Variants in ADAM2 observed in about 807,000 individuals in gnomAD.
The protein encoded by ADAM2 is disintegrin and metalloproteinase domain-containing protein 2.
A neutral mutation model predicts 99.3 loss-of-function variants in ADAM2; 101 were observed. That is an observed-to-expected ratio of 1.02 (90% CI 0.87 to 1.20). The LOEUF is 1.20. ADAM2 is among the 50% of genes most tolerant of loss of function. The pLI is 0.00. For synonymous variants in ADAM2, 323 were observed against 287.6 expected (o/e 1.12, Z -1.25); for missense variants, 948 against 878.7 (o/e 1.08, Z -1.00).
In ADAM2 at chr8:39,755,825, A is replaced by G. The variant is rs1252635003; in HGVS notation, c.1700T>C (p.Ile567Thr). Residue 567 changes from isoleucine (I) to threonine (T), a missense_variant, in exon 16 of 21, where the codon ATA (isoleucine) becomes ACA (threonine). By Grantham distance (89) the Ile-to-Thr change is moderately conservative. Transcript: ENST00000265708. ...CACAGCAATGCAGAGATGTCCACTT[A>G]TGTTGGCATAAATAATAGTGGCTCT... ...IPRATIIYANISGHLCIAVEF... is the reference protein window; with the variant it reads ...IPRATIIYANTSGHLCIAVEF... 1 of 1,609,128 alleles carries G rather than the reference A, an allele frequency of 6.2e-7. No homozygotes were observed. The highest frequency in any genetic ancestry group is 1.1e-5 in the South Asian group (1 of 90,832).
chr8:39,783,736 G>A (rs1803331331), intron 10 of ADAM2, among the ~76,000 whole-genome samples: 1 of 152,094 alleles, frequency 6.6e-6, no homozygotes, highest in Non-Finnish European at 1.5e-5. Context: ...CAGATCACAA[G>A]GTCAGGAGAT....
At chr8:39,779,825 T>C (rs1184361457) in intron 10 of ADAM2, among the ~76,000 whole-genome samples, 2 of 152,178 alleles carry the variant, frequency 1.3e-5, no homozygotes, top group Non-Finnish European at 2.9e-5. Context: ...TCTCTATAAA[T>C]GTGCCTGCCA....
Position 39,821,600 on chromosome 8 carries a change from T to G in ADAM2, c.330A>C (p.Thr110=), listed in dbSNP as rs780125660. Residue 110 remains threonine (T), a synonymous_variant, in exon 5 of 21, where the codon ACA becomes ACC. Coordinates refer to ENST00000265708, the MANE Select transcript of ADAM2 (RefSeq NM_001464.5). ...GYPKSVVMVS[T]CTGLRGVLQF... ...TAAATTACAACCTGAGTCCAGTACATGTGCTAACCATCACCACAGATTTTG... is the reference window on the plus strand; with the variant it reads ...TAAATTACAACCTGAGTCCAGTACAGGTGCTAACCATCACCACAGATTTTG... 1 of 1,601,642 alleles carries G rather than the reference T, an allele frequency of 6.2e-7. No homozygotes were observed. Among genetic ancestry groups the G allele is most frequent in the South Asian group, 1.1e-5 (1 of 90,606 alleles).
chr8:39,744,239 T>A (rs913604032), intron 20 of ADAM2, among the ~76,000 whole-genome samples, 175 bp from the exon 21 acceptor site: 1 of 152,092 alleles, frequency 6.6e-6, no homozygotes, highest in Non-Finnish European at 1.5e-5. Flanking sequence ...AGAAAATAAT[T>A]AAAAAATAAC....
At chr8:39,832,122 T>C (rs904131846) in intron 3 of ADAM2, among the ~76,000 whole-genome samples, 6 of 152,188 alleles carry the variant, frequency 3.9e-5, no homozygotes, top group Admixed American at 1.3e-4. Flanking sequence ...GGATCTCTTC[T>C]CAGGTTTCTC....
chr8:39,772,168 T>G (rs1243520478), intron 11 of ADAM2, among the ~76,000 whole-genome samples: 1 of 149,986 alleles, frequency 6.7e-6, no homozygotes, highest in Non-Finnish European at 1.5e-5. Context: ...CCGATTAGAG[T>G]ACTTTTTTGC....
chr8:39,800,842 C>A (rs1037170488), intron 7 of ADAM2, among the ~76,000 whole-genome samples: 6 of 152,056 alleles, frequency 3.9e-5, no homozygotes, highest in Admixed American at 2.6e-4. Flanking sequence ...GTATGCTTCA[C>A]GAAGTTCTCG....
chr8:39,783,059 C>T (rs916077261), intron 10 of ADAM2, among the ~76,000 whole-genome samples: 6 of 151,878 alleles, frequency 4.0e-5, no homozygotes, highest in African/African-American at 1.5e-4. Context: ...GTTTAGATAC[C>T]CTGTATTTTT....
chr8:39,768,163 T>C (rs1159030851), intron 12 of ADAM2, among the ~76,000 whole-genome samples: 1 of 152,140 alleles, frequency 6.6e-6, no homozygotes, highest in African/African-American at 2.4e-5. Flanking sequence ...CTCAATTATA[T>C]AACATTTCGA....
chr8:39,784,835 C>T (rs1024396614), intron 10 of ADAM2, among the ~76,000 whole-genome samples: 10 of 152,148 alleles, frequency 6.6e-5, no homozygotes, highest in African/African-American at 2.4e-4. Context: ...ATGTTGTTGG[C>T]CATTTGTATG....
At chr8:39,796,827 C>G (rs918677183) in intron 7 of ADAM2, among the ~76,000 whole-genome samples, 2 of 152,082 alleles carry the variant, frequency 1.3e-5, no homozygotes, top group Non-Finnish European at 2.9e-5. Flanking sequence ...TGTTCATTGG[C>G]CAGATAAATG....
intron 7 of ADAM2, among the ~76,000 whole-genome samples, chr8:39,809,066 G>A (rs533001592): frequency 2.6e-5 from 4 of 152,192 alleles, no homozygotes; most frequent in African/African-American, 9.6e-5. Flanking sequence ...AAAATGTACA[G>A]ATGGGAAACT....
Position 39,834,055 on chromosome 8 carries a change from A to G in ADAM2, c.133-56T>C, listed in dbSNP as rs570986766. The G allele has an allele frequency of 1.9e-4, 177 of 925,190 alleles. 1 individual carries two copies. Among genetic ancestry groups the G allele is most frequent in the South Asian group, 1.2e-3 (80 of 67,988 alleles). 57.3% of individuals were successfully genotyped at this position (925,190 alleles called of 1,614,324 possible). A position where few individuals can be genotyped will look rare whatever the true frequency, so the allele number is the denominator to read the frequency against. On this transcript the variant is annotated intron_variant, in intron 2 of 20. Transcript: ENST00000265708. ...AAAATGAAAAAAAATGTTAGAAGGG[A>G]TAACCATCATTTTACATTAATGATA... is the stretch of plus-strand genomic sequence containing the variant.
intron 7 of ADAM2, among the ~76,000 whole-genome samples, chr8:39,797,488 T>G (rs1025909745): frequency 6.6e-6 from 1 of 152,230 alleles, no homozygotes; most frequent in African/African-American, 2.4e-5. Flanking sequence ...GCTTGATGCC[T>G]CCAGCTTTGT....
At chr8:39,768,878 T>A (rs1395888901) in intron 12 of ADAM2, among the ~76,000 whole-genome samples, 1 of 152,268 alleles carries the variant, frequency 6.6e-6, no homozygotes, top group South Asian at 2.1e-4. Flanking sequence ...GCAAGATGAA[T>A]ACGTTCTAGA....
At chr8:39,812,098 A>G (rs990146240) in intron 6 of ADAM2, among the ~76,000 whole-genome samples, 50 of 152,226 alleles carry the variant, frequency 3.3e-4, no homozygotes, top group Non-Finnish European at 1.3e-4. Context: ...TACAAAATCA[A>G]TGTGCAAAAA....
intron 7 of ADAM2, among the ~76,000 whole-genome samples, chr8:39,801,907 T>A (rs1804228765): frequency 6.6e-6 from 1 of 151,936 alleles, no homozygotes; most frequent in African/African-American, 2.4e-5. Context: ...TAGAAATGGG[T>A]GCCGCCCTTC....
intron 10 of ADAM2, among the ~76,000 whole-genome samples, chr8:39,779,444 A>G (rs1466529919): frequency 2.0e-5 from 3 of 152,140 alleles, no homozygotes; most frequent in Non-Finnish European, 2.9e-5. Flanking sequence ...ATTGGAGGTT[A>G]AGGCTTCAAC....
intron 7 of ADAM2, among the ~76,000 whole-genome samples, chr8:39,797,311 T>G (rs1337748319): frequency 6.6e-6 from 1 of 151,890 alleles, no homozygotes; most frequent in African/African-American, 2.4e-5. Context: ...CGGAGATCCT[T>G]TCCTCATTGC....
Sources: allele counts gnomAD v4.1 joint callset (sites outside exome capture counted in the v4.1 genomes callset), GRCh38; gene constraint gnomAD v4.1.1; transcripts MANE v1.5; gene names NCBI Gene and HGNC (gene_info 2026-07-23, HGNC 2026-07-21).